The following NAALADL2 variants were observed in gnomAD, a reference collection of about 807,000 sequenced individuals.
The protein encoded by NAALADL2 is inactive N-acetylated-alpha-linked acidic dipeptidase-like protein 2.
In NAALADL2, 76 loss-of-function variants were observed where a neutral mutation model predicts 87.2. That is an observed-to-expected ratio of 0.87 (90% CI 0.72 to 1.05). NAALADL2 has a LOEUF of 1.05. Ranked by LOEUF, NAALADL2 falls within the 50% of genes least tolerant of loss-of-function variation. NAALADL2 has a pLI of 0.00. For synonymous variants in NAALADL2, 354 were observed against 331.0 expected (o/e 1.07, Z -0.75); for missense variants, 1,089 against 945.8 (o/e 1.15, Z -1.99).
intron 2 of NAALADL2, among the ~76,000 whole-genome samples, chr3:175,135,534 C>G (rs1035942906): frequency 2.6e-5 from 4 of 151,750 alleles, no homozygotes; most frequent in African/African-American, 9.7e-5. Context: ...TAAACACCAC[C>G]AAGTTAGTCA....
intron 2 of NAALADL2, among the ~76,000 whole-genome samples, chr3:175,137,821 G>T (rs771345134): frequency 2.0e-5 from 3 of 151,398 alleles, no homozygotes; most frequent in Admixed American, 1.3e-4. Context: ...ATGGGGTTTC[G>T]CTAGGTTACC....
At chr3:175,429,821 C>T (rs1045988949) in intron 5 of NAALADL2, among the ~76,000 whole-genome samples, 2 of 151,672 alleles carry the variant, frequency 1.3e-5, no homozygotes, top group African/African-American at 4.8e-5. Context: ...TTTAAGCCTT[C>T]CTTACAGAGT....
At chr3:175,076,396 C>T (rs564584382) in intron 1 of NAALADL2, among the ~76,000 whole-genome samples, 1 of 148,016 alleles carries the variant, frequency 6.8e-6, no homozygotes, top group Non-Finnish European at 1.5e-5. Context: ...GGGGCAGAGA[C>T]TAAACCAGAT....
At chr3:174,945,191 C>T (rs1384443425) in intron 1 of NAALADL2, among the ~76,000 whole-genome samples, 2 of 152,284 alleles carry the variant, frequency 1.3e-5, no homozygotes, top group East Asian at 3.9e-4. Context: ...TAATGAGAAA[C>T]CGTGTACCAG....
At chr3:175,538,997 G>C (rs1370432668) in intron 9 of NAALADL2, among the ~76,000 whole-genome samples, 1 of 152,078 alleles carries the variant, frequency 6.6e-6, no homozygotes, top group African/African-American at 2.4e-5. Flanking sequence ...TTTCTAATTG[G>C]ATTAGATAAA....
chr3:175,296,221 G>A (rs1404397420), intron 4 of NAALADL2, among the ~76,000 whole-genome samples: 1 of 152,100 alleles, frequency 6.6e-6, no homozygotes, highest in Non-Finnish European at 1.5e-5. Flanking sequence ...ACTAGGAGGT[G>A]CTACATGTGT....
At chr3:175,664,629 T>C (rs1003570730) in intron 11 of NAALADL2, among the ~76,000 whole-genome samples, 3 of 151,538 alleles carry the variant, frequency 2.0e-5, no homozygotes, top group Non-Finnish European at 4.4e-5. Context: ...GTATTTTTGA[T>C]TTTTTTTGTA....
chr3:174,761,405 A>T (rs960304342), intron 3 of NAALADL2, among the ~76,000 whole-genome samples: 2 of 152,220 alleles, frequency 1.3e-5, no homozygotes, highest in Admixed American at 1.3e-4. Flanking sequence ...AATATAATTT[A>T]ATGTCTTACA....
intron 4 of NAALADL2, among the ~76,000 whole-genome samples, chr3:175,320,816 A>G (rs1250780413): frequency 2.0e-5 from 3 of 151,674 alleles, no homozygotes; most frequent in African/African-American, 7.3e-5. Context: ...TAGACCAATA[A>G]CAGGAGCTGA....
chr3:175,758,871 T>C (rs1325624714), intron 13 of NAALADL2, among the ~76,000 whole-genome samples: 2 of 152,100 alleles, frequency 1.3e-5, no homozygotes, highest in Non-Finnish European at 2.9e-5. Context: ...GCATACAGAA[T>C]TCTCATCTAA....
chr3:175,497,990 A>C (rs1729038292), intron 9 of NAALADL2, among the ~76,000 whole-genome samples: 1 of 152,068 alleles, frequency 6.6e-6, no homozygotes, highest in Non-Finnish European at 1.5e-5. Flanking sequence ...AGATGAAAGA[A>C]ATTGCAATAA....
chr3:175,619,269 A>AAG (rs71626215), intron 10 of NAALADL2, among the ~76,000 whole-genome samples: 11,682 of 80,442 alleles, frequency 0.15, 514 homozygotes, highest in East Asian at 0.19. Context: ...GGAAGGAAGG[A>AAG]GAAGGAAAGA....
At chr3:175,497,299 A>G (rs1176924777) in intron 9 of NAALADL2, among the ~76,000 whole-genome samples, 1 of 152,198 alleles carries the variant, frequency 6.6e-6, no homozygotes, top group Non-Finnish European at 1.5e-5. Context: ...CTCCTTGTAC[A>G]AATCAGACAC....
chr3:175,086,881 T>C (rs1719056855), intron 1 of NAALADL2, among the ~76,000 whole-genome samples: 1 of 152,176 alleles, frequency 6.6e-6, no homozygotes, highest in Admixed American at 6.5e-5. Flanking sequence ...CCTTTCTTTT[T>C]AACTAAACAT....
chr3:175,522,867 C>T (rs983420043), intron 9 of NAALADL2, among the ~76,000 whole-genome samples: 1 of 152,194 alleles, frequency 6.6e-6, no homozygotes, highest in Non-Finnish European at 1.5e-5. Context: ...CAACAATATT[C>T]AATTTCTCTA....
intron 1 of NAALADL2, among the ~76,000 whole-genome samples, chr3:174,978,507 T>A (rs557220795): frequency 6.6e-6 from 1 of 152,340 alleles, no homozygotes; most frequent in South Asian, 2.1e-4. Flanking sequence ...GTATGGAATG[T>A]CATTTCCTAA....
chr3:175,449,394 C>CTTCTTTTTTTTTTTTTTTT (rs1212551637), intron 6 of NAALADL2, among the ~76,000 whole-genome samples: 2 of 48,536 alleles, frequency 4.1e-5, no homozygotes, highest in African/African-American at 5.7e-5. Context: ...TAATTTTCTT[C>CTTCTTTTTTTTTTTTTTTT]TTTTTTTTTT....
At chr3:174,960,542 G>C (rs1474538048) in intron 1 of NAALADL2, among the ~76,000 whole-genome samples, 1 of 151,822 alleles carries the variant, frequency 6.6e-6, no homozygotes, top group East Asian at 1.9e-4. Flanking sequence ...TAATAATCTG[G>C]GACTATCTAA....
chr3:175,061,458 G>T (rs1713466004), intron 1 of NAALADL2, among the ~76,000 whole-genome samples: 3 of 152,076 alleles, frequency 2.0e-5, no homozygotes, highest in African/African-American at 7.2e-5. Context: ...CCTGTTTAAA[G>T]TCTTCATCCA....
Sources: gnomAD v4.1 joint callset for allele counts (sites outside exome capture counted in the v4.1 genomes callset) on GRCh38, gnomAD v4.1.1 for gene constraint, MANE v1.5 for transcripts, NCBI Gene and HGNC (gene_info 2026-07-23, HGNC 2026-07-21) for gene names.